CSMD1: variants seen among roughly 807,000 people sequenced by gnomAD.
CSMD1 encodes the protein CUB and Sushi multiple domains 1.
Under a neutral mutation model 417.5 loss-of-function variants are expected in CSMD1, and 213 were observed. That is an observed-to-expected ratio of 0.51 (90% CI 0.46 to 0.57). The LOEUF (loss-of-function observed/expected upper bound fraction) is 0.57, where lower values mean the gene tolerates loss of function less well. CSMD1 is among the 20% of genes least tolerant of loss of function. CSMD1 has a pLI of 0.00. For missense variants in CSMD1, 6,923 were observed against 4,529.7 expected, an observed-to-expected ratio of 1.53 and a Z score of -15.17; for synonymous variants, 2,862 against 1,736.8, an observed-to-expected ratio of 1.65 and a Z score of -16.11.
rs141813905 is a variant in CSMD1, at chr8:3,587,007, C to T, written c.1098-747G>A. Among the ~76,000 whole-genome samples, 346 of 152,232 alleles carry T rather than the reference C, an allele frequency of 2.3e-3. 5 individuals are homozygous for T. In the Middle Eastern group the frequency reaches 0.031, roughly 13 times the overall value. Reference sequence around the variant, plus strand: ...TAGAGACAGAGTTTCACCATGTTCGCCAGGCTGGTCTTCAACTCCTGACCT... The same window carrying T: ...TAGAGACAGAGTTTCACCATGTTCGTCAGGCTGGTCTTCAACTCCTGACCT... On this transcript the variant is annotated intron_variant, in intron 8 of 69. Coordinates refer to ENST00000635120, the MANE Select transcript of CSMD1 (RefSeq NM_033225.6).
intron 3 of CSMD1, among the ~76,000 whole-genome samples, chr8:4,336,325 C>T (rs1800170417): frequency 6.6e-6 from 1 of 152,078 alleles, no homozygotes; most frequent in Non-Finnish European, 1.5e-5. Flanking sequence ...TAGAAAGGCA[C>T]ATTTTTAGTT....
intron 1 of CSMD1, among the ~76,000 whole-genome samples, chr8:4,802,815 G>C (rs1393821618): frequency 1.3e-5 from 2 of 152,164 alleles, no homozygotes; most frequent in Non-Finnish European, 2.9e-5. Flanking sequence ...GGGAAGGACA[G>C]ACTCCAATAA....
chr8:3,131,891 A>G (rs1817812884), intron 41 of CSMD1, among the ~76,000 whole-genome samples: 1 of 152,234 alleles, frequency 6.6e-6, no homozygotes, highest in Non-Finnish European at 1.5e-5. Flanking sequence ...CATCTGAGTA[A>G]TAGATTCCTT....
At chr8:3,936,955 C>T (rs78938447) in intron 5 of CSMD1, among the ~76,000 whole-genome samples, 3,815 of 152,116 alleles carry the variant, frequency 0.025, 146 homozygotes, top group African/African-American at 0.087. Context: ...AATACCAGCA[C>T]GAACAGGAGT....
intron 3 of CSMD1, among the ~76,000 whole-genome samples, chr8:4,348,539 A>C (rs76983448): frequency 0.018 from 2,693 of 150,300 alleles, 81 homozygotes; most frequent in African/African-American, 0.063. Flanking sequence ...GTTGTATCAC[A>C]AATAAAAGTG....
chr8:2,966,952 TTTCAA>T (rs1804018074), intron 57 of CSMD1, among the ~76,000 whole-genome samples: 1 of 152,198 alleles, frequency 6.6e-6, no homozygotes, highest in African/African-American at 2.4e-5. Context: ...AAAAATAACC[TTTCAA>T]TTCGTCTTTT....
chr8:4,459,362 G>A (rs1212421320), intron 2 of CSMD1, among the ~76,000 whole-genome samples: 4 of 152,160 alleles, frequency 2.6e-5, no homozygotes, highest in African/African-American at 7.2e-5. Context: ...CCTCAGACCC[G>A]TGGTTTACTC....
chr8:3,349,525 G>C (rs1808249418), intron 21 of CSMD1, among the ~76,000 whole-genome samples: 1 of 151,928 alleles, frequency 6.6e-6, no homozygotes, highest in Non-Finnish European at 1.5e-5. Context: ...AGCAGGCTTT[G>C]GATGTGGCTC....
chr8:3,286,966 T>G (rs1803208265), intron 25 of CSMD1, among the ~76,000 whole-genome samples: 2 of 152,162 alleles, frequency 1.3e-5, no homozygotes, highest in Non-Finnish European at 2.9e-5. Flanking sequence ...GTTCTAACAT[T>G]TAAGTCTTTA....
intron 1 of CSMD1, among the ~76,000 whole-genome samples, chr8:4,728,335 G>A (rs1809610884): frequency 6.6e-6 from 1 of 151,570 alleles, no homozygotes; most frequent in African/African-American, 2.4e-5. Flanking sequence ...TTTTAAAAAT[G>A]CTCATTTGCT....
chr8:3,391,908 A>G (rs1382215857), intron 17 of CSMD1, among the ~76,000 whole-genome samples: 1 of 152,140 alleles, frequency 6.6e-6, no homozygotes, highest in African/African-American at 2.4e-5. Flanking sequence ...GAGATGAGCA[A>G]TATTCCTGTT....
At position 4,193,108 on chromosome 8, in the gene CSMD1, T is replaced by G. The variant is rs144998678; in HGVS notation, c.416-161009A>C. 5.2e-3 allele frequency among the ~76,000 whole-genome samples: 789 copies of G among 152,312 alleles called. 4 individuals carry two copies. Among genetic ancestry groups the G allele is most frequent in the Admixed American group, 9.2e-3 (141 of 15,300 alleles). Reference sequence around the variant, plus strand: ...GCAGTGACATGTGCCTTAAATTTACTTTGAATTCTCTGAGCTTTCAGGAAA... The same window carrying G: ...GCAGTGACATGTGCCTTAAATTTACGTTGAATTCTCTGAGCTTTCAGGAAA... On this transcript the variant is annotated intron_variant, in intron 3 of 69. Transcript: ENST00000635120.
At chr8:3,814,128 G>A (rs1801239071) in intron 5 of CSMD1, among the ~76,000 whole-genome samples, 1 of 152,164 alleles carries the variant, frequency 6.6e-6, no homozygotes, top group Non-Finnish European at 1.5e-5. Context: ...TTGCAATAAC[G>A]TACCAGCTCA....
intron 23 of CSMD1, among the ~76,000 whole-genome samples, chr8:3,339,423 G>A (rs1410751561): frequency 6.6e-6 from 1 of 152,136 alleles, no homozygotes; most frequent in Non-Finnish European, 1.5e-5. Context: ...CTAGCCAGCT[G>A]TCTTTCAAAA....
At chr8:3,678,396 G>C (rs899817139) in intron 7 of CSMD1, among the ~76,000 whole-genome samples, 1 of 152,198 alleles carries the variant, frequency 6.6e-6, no homozygotes, top group Non-Finnish European at 1.5e-5. Flanking sequence ...GAATGCACAA[G>C]TTTGAACAGC....
intron 2 of CSMD1, among the ~76,000 whole-genome samples, chr8:4,471,402 C>T (rs190780085): frequency 2.6e-4 from 40 of 152,110 alleles, no homozygotes; most frequent in Admixed American, 3.9e-4. Context: ...GACAAGGTTC[C>T]TATACAGGTA....
At chr8:4,087,266 C>A (rs1438160023) in intron 3 of CSMD1, among the ~76,000 whole-genome samples, 1 of 152,184 alleles carries the variant, frequency 6.6e-6, no homozygotes, top group African/African-American at 2.4e-5. Context: ...CACAGTTCAA[C>A]TTCTCTTGCT....
chr8:3,436,209 T>C (rs956458728), intron 12 of CSMD1, among the ~76,000 whole-genome samples: 1 of 152,196 alleles, frequency 6.6e-6, no homozygotes, highest in Non-Finnish European at 1.5e-5. Context: ...AGATGCTTAA[T>C]TACTTCATAC....
intron 10 of CSMD1, among the ~76,000 whole-genome samples, chr8:3,566,172 G>C (rs13257084): frequency 0.4 from 60,186 of 151,522 alleles, 12,226 homozygotes; most frequent in Middle Eastern, 0.48. Flanking sequence ...ACAAAGAGAG[G>C]AGAAAGGAAA....
Sources: allele counts gnomAD v4.1 joint callset (sites outside exome capture counted in the v4.1 genomes callset), GRCh38; gene constraint gnomAD v4.1.1; transcripts MANE v1.5; gene names NCBI Gene and HGNC (gene_info 2026-07-23, HGNC 2026-07-21).